Variants in DKK4 observed in about 807,000 individuals in gnomAD.
DKK4 encodes dickkopf-related protein 4.
Under a neutral mutation model 14.5 loss-of-function variants are expected in DKK4, and 15 were observed. That is an observed-to-expected ratio of 1.03 (90% CI 0.69 to 1.59). DKK4 has a LOEUF of 1.59. DKK4 is among the 40% of genes most tolerant of loss of function. The pLI, the probability that DKK4 is intolerant of heterozygous loss-of-function variation, is 0.00. For missense variants in DKK4, 272 were observed against 280.3 expected, an observed-to-expected ratio of 0.97 and a Z score of 0.21; for synonymous variants, 89 against 105.2, an observed-to-expected ratio of 0.85 and a Z score of 0.94.
chr8:42,390,443 A>C, the DKK4 span, among the ~76,000 whole-genome samples: 1 of 137,722 alleles, frequency 7.3e-6, no homozygotes, highest in East Asian at 2.2e-4. Flanking sequence ...GGCTCACTGC[A>C]AGCTCCGCCT....
chr8:42,383,955 A>C, the DKK4 span, among the ~76,000 whole-genome samples: 2 of 152,056 alleles, frequency 1.3e-5, no homozygotes, highest in Non-Finnish European at 2.9e-5. Context: ...AAAAGAAAAA[A>C]CAATCAAGTT....
upstream of DKK4, among the ~76,000 whole-genome samples, chr8:42,378,199 CA>C (rs1447709082): frequency 6.6e-6 from 1 of 152,040 alleles, no homozygotes. Context: ...AGATCTGGAT[CA>C]AAAAATCATT....
At chr8:42,382,964 T>A in the DKK4 span, among the ~76,000 whole-genome samples, 1 of 152,270 alleles carries the variant, frequency 6.6e-6, no homozygotes, top group Non-Finnish European at 1.5e-5. Flanking sequence ...AACCGATTAT[T>A]TATACTCACT....
Position 42,374,192 on chromosome 8 carries a change from C to CG in DKK4, c.582dup (p.Asp195ArgfsTer36). On this transcript the variant is annotated frameshift_variant, in exon 4 of 4. Transcript: ENST00000220812. LOFTEE classifies it low-confidence loss of function (END_TRUNC). The stretch of plus-strand genomic sequence containing the variant: ...CGACACAGTAGTCCAGGGCCACAGT[C>CG]GCAACGCTGGAAGATTTCTGGAGCT... 1 of 1,613,612 alleles carries CG rather than the reference C, an allele frequency of 6.2e-7. No homozygotes were observed. Among genetic ancestry groups the CG allele is most frequent in the Non-Finnish European group, 8.5e-7 (1 of 1,179,980 alleles).
At chr8:42,384,536 G>A in the DKK4 span, among the ~76,000 whole-genome samples, 1 of 152,110 alleles carries the variant, frequency 6.6e-6, no homozygotes, top group East Asian at 1.9e-4. Context: ...GGCTCAGCGG[G>A]TGTGATCTTG....
upstream of DKK4, among the ~76,000 whole-genome samples, chr8:42,380,279 C>T (rs547410300): frequency 2.0e-5 from 3 of 151,826 alleles, no homozygotes; most frequent in Non-Finnish European, 4.4e-5. Flanking sequence ...GCTGCATGAT[C>T]CTATCCCTGC....
the DKK4 span, among the ~76,000 whole-genome samples, chr8:42,391,217 G>A: frequency 6.6e-6 from 1 of 151,934 alleles, no homozygotes; most frequent in Admixed American, 6.6e-5. Context: ...CTTGAAGTCT[G>A]GTCAGTCTGA....
intron 3 of DKK4, 114 bp from the exon 4 acceptor site, chr8:42,374,473 G>T: frequency 7.2e-7 from 1 of 1,392,008 alleles, no homozygotes; most frequent in Non-Finnish European, 1.0e-6. Context: ...AGTAAAAACA[G>T]ACACAGCACG....
chr8:42,380,949 G>A (rs1585938370), upstream of DKK4, among the ~76,000 whole-genome samples: 2 of 152,078 alleles, frequency 1.3e-5, no homozygotes, highest in African/African-American at 2.4e-5. Flanking sequence ...ACGAACAAAC[G>A]AAAGAAAGAG....
At chr8:42,382,512 C>T in the DKK4 span, among the ~76,000 whole-genome samples, 7 of 152,194 alleles carry the variant, frequency 4.6e-5, no homozygotes, top group East Asian at 1.9e-4. Context: ...ACAAGTTTCA[C>T]GACACAGGCC....
chr8:42,388,396 A>G, the DKK4 span, among the ~76,000 whole-genome samples: 1 of 151,292 alleles, frequency 6.6e-6, no homozygotes, highest in Non-Finnish European at 1.5e-5. Context: ...TGCTCGGCTA[A>G]TTTTTGTATT....
At chr8:42,384,014 C>T in the DKK4 span, among the ~76,000 whole-genome samples, 1 of 152,192 alleles carries the variant, frequency 6.6e-6, no homozygotes. Flanking sequence ...CCCCCGCACC[C>T]CCCTACCCTG....
intron 1 of DKK4, 31 bp downstream of exon 1, chr8:42,376,904 C>G (rs371279030): frequency 1.4e-4 from 217 of 1,580,700 alleles, no homozygotes; most frequent in Non-Finnish European, 1.6e-4. Flanking sequence ...TCAGCAGTCC[C>G]GTACCTCGCC....
At chr8:42,387,515 G>A in the DKK4 span, among the ~76,000 whole-genome samples, 4 of 152,060 alleles carry the variant, frequency 2.6e-5, no homozygotes, top group African/African-American at 9.6e-5. Context: ...CCTCCACCAT[G>A]CCCAGCTAAT....
chr8:42,384,049 T>C, the DKK4 span, among the ~76,000 whole-genome samples: 1 of 152,178 alleles, frequency 6.6e-6, no homozygotes, highest in Non-Finnish European at 1.5e-5. Context: ...CCCGCTTTCC[T>C]TCCTGTGTGC....
upstream of DKK4, chr8:42,377,343 A>G (rs1824584936): frequency 3.1e-6 from 1 of 326,162 alleles, no homozygotes; most frequent in Non-Finnish European, 5.6e-6. Flanking sequence ...TGTTTGATCA[A>G]TAGTTCAAAA....
At chr8:42,376,844 A>G (rs765172607) in intron 1 of DKK4, 91 bp downstream of exon 1, 102 of 1,066,976 alleles carry the variant, frequency 9.6e-5, no homozygotes, top group Non-Finnish European at 1.4e-4. Context: ...AAGACATTTC[A>G]TACATGAATC....
chr8:42,386,434 G>A, the DKK4 span, among the ~76,000 whole-genome samples: 1 of 152,014 alleles, frequency 6.6e-6, no homozygotes, highest in Non-Finnish European at 1.5e-5. Context: ...CCAGAATATG[G>A]ATGTATTATA....
the DKK4 span, among the ~76,000 whole-genome samples, chr8:42,383,788 C>T: frequency 6.6e-5 from 10 of 152,144 alleles, no homozygotes; most frequent in Admixed American, 1.3e-4. Context: ...ACTAAAAATA[C>T]AAAAATTTGC....
Sources: allele counts gnomAD v4.1 joint callset (sites outside exome capture counted in the v4.1 genomes callset), GRCh38; gene constraint gnomAD v4.1.1; transcripts MANE v1.5; gene names NCBI Gene and HGNC (gene_info 2026-07-23, HGNC 2026-07-21).